Variants in PTPRD observed in about 807,000 individuals in gnomAD.
PTPRD encodes the protein protein tyrosine phosphatase receptor type D.
PTPRD carries 34 observed loss-of-function variants against 214.5 expected under a neutral mutation model. The observed-to-expected ratio is 0.16, with a 90% CI of 0.12 to 0.21. PTPRD has a LOEUF of 0.21. Among genes scored for constraint, PTPRD ranks in the 10% least tolerant of loss-of-function variants. The probability of loss-of-function intolerance (pLI) is 1.00; values close to 1 mark genes in which losing one functional copy is unlikely to be tolerated. For missense variants in PTPRD, 2,545 were observed against 2,398.7 expected, an observed-to-expected ratio of 1.06 and a Z score of -1.27; for synonymous variants, 1,128 against 845.7, an observed-to-expected ratio of 1.33 and a Z score of -5.79.
intron 2 of PTPRD, among the ~76,000 whole-genome samples, chr9:10,592,836 C>G (rs183469984): frequency 5.3e-5 from 8 of 151,920 alleles, no homozygotes; most frequent in African/African-American, 1.2e-4. Context: ...GGAACACTGA[C>G]AGGACAGAAA....
intron 9 of PTPRD, among the ~76,000 whole-genome samples, chr9:9,346,408 A>C (rs1206307946): frequency 2.6e-5 from 4 of 152,200 alleles, no homozygotes; most frequent in Non-Finnish European, 5.9e-5. Context: ...AAATGTGTTA[A>C]AAATGTACAA....
At chr9:9,105,102 T>C (rs956155824) in intron 10 of PTPRD, among the ~76,000 whole-genome samples, 3 of 152,204 alleles carry the variant, frequency 2.0e-5, no homozygotes, top group Non-Finnish European at 4.4e-5. Flanking sequence ...TCTGCATCTT[T>C]CACAGACAGA....
intron 4 of PTPRD, among the ~76,000 whole-genome samples, chr9:9,970,003 G>C (rs1337517207): frequency 6.6e-6 from 1 of 152,102 alleles, no homozygotes; most frequent in Non-Finnish European, 1.5e-5. Context: ...CTGTCATTCA[G>C]TAGACATTAG....
At chr9:10,129,234 C>A (rs1180612539) in intron 3 of PTPRD, among the ~76,000 whole-genome samples, 1 of 152,044 alleles carries the variant, frequency 6.6e-6, no homozygotes, top group African/African-American at 2.4e-5. Flanking sequence ...CCCGAAAGTA[C>A]CTAATTATCA....
At chr9:10,480,745 T>C (rs1164822101) in intron 2 of PTPRD, among the ~76,000 whole-genome samples, 1 of 152,236 alleles carries the variant, frequency 6.6e-6, no homozygotes, top group African/African-American at 2.4e-5. Context: ...ATTTGTATCA[T>C]TGAATCAAAC....
intron 12 of PTPRD, among the ~76,000 whole-genome samples, chr9:8,681,520 T>G (rs1324676695): frequency 1.3e-5 from 2 of 152,140 alleles, no homozygotes; most frequent in Non-Finnish European, 2.9e-5. Context: ...CACCATGTCT[T>G]TAAAAGCTTT....
At chr9:9,155,463 C>A (rs2099880385) in intron 10 of PTPRD, among the ~76,000 whole-genome samples, 1 of 152,016 alleles carries the variant, frequency 6.6e-6, no homozygotes, top group Non-Finnish European at 1.5e-5. Context: ...AGTCTCTAGC[C>A]TACAAAGGTG....
At chr9:9,464,364 T>C (rs2093947322) in intron 8 of PTPRD, among the ~76,000 whole-genome samples, 1 of 152,186 alleles carries the variant, frequency 6.6e-6, no homozygotes, top group Non-Finnish European at 1.5e-5. Flanking sequence ...GTGAGTTTGA[T>C]TAATTCTCTT....
intron 3 of PTPRD, among the ~76,000 whole-genome samples, chr9:10,277,073 AC>A (rs1207572108): frequency 6.6e-6 from 1 of 152,066 alleles, no homozygotes. Context: ...GGTGGCAAAG[AC>A]CCCTGATTCA....
intron 10 of PTPRD, among the ~76,000 whole-genome samples, chr9:9,137,722 G>C (rs2099853176): frequency 6.6e-6 from 1 of 152,072 alleles, no homozygotes; most frequent in African/African-American, 2.4e-5. Context: ...ACAGGACATT[G>C]TACTTTGCTT....
intron 10 of PTPRD, among the ~76,000 whole-genome samples, chr9:9,169,431 T>C (rs2099910342): frequency 2.0e-5 from 3 of 152,138 alleles, no homozygotes; most frequent in South Asian, 2.1e-4. Flanking sequence ...CCCAGGATTA[T>C]ATTTGAAGCA....
At chr9:9,696,050 T>C (rs1470632197) in intron 7 of PTPRD, among the ~76,000 whole-genome samples, 3 of 152,166 alleles carry the variant, frequency 2.0e-5, no homozygotes, top group Non-Finnish European at 2.9e-5. Context: ...AGACTTTTTA[T>C]TACAGCTTCG....
intron 9 of PTPRD, among the ~76,000 whole-genome samples, chr9:9,260,923 C>G (rs757776483): frequency 6.6e-6 from 1 of 151,818 alleles, no homozygotes; most frequent in Non-Finnish European, 1.5e-5. Flanking sequence ...TCAGAAACAG[C>G]CCAAAGATGA....
chr9:9,205,559 GAC>G (rs2099944318), intron 9 of PTPRD, among the ~76,000 whole-genome samples: 2 of 152,150 alleles, frequency 1.3e-5, no homozygotes, highest in African/African-American at 4.8e-5. Flanking sequence ...GCATCATTAA[GAC>G]AGTCTTCTTT....
At chr9:8,683,385 C>CAAAA (rs78015875) in intron 12 of PTPRD, among the ~76,000 whole-genome samples, 4 of 107,064 alleles carry the variant, frequency 3.7e-5, no homozygotes, top group African/African-American at 1.2e-4. Flanking sequence ...ACTCCTTTCT[C>CAAAA]AAAAAAAAAA....
At chr9:8,370,289 A>G (rs2081157534) in intron 39 of PTPRD, among the ~76,000 whole-genome samples, 1 of 151,972 alleles carries the variant, frequency 6.6e-6, no homozygotes, top group Non-Finnish European at 1.5e-5. Flanking sequence ...GACAACCTTT[A>G]CACATGTGCA....
At chr9:9,046,347 AGATGTGGT>A (rs2099672092) in intron 10 of PTPRD, among the ~76,000 whole-genome samples, 1 of 152,194 alleles carries the variant, frequency 6.6e-6, no homozygotes, top group South Asian at 2.1e-4. Context: ...TTAAAGTGGA[AGATGTGGT>A]GATTATATTG....
intron 3 of PTPRD, among the ~76,000 whole-genome samples, chr9:10,331,168 C>G (rs2096743256): frequency 6.6e-6 from 1 of 151,872 alleles, no homozygotes; most frequent in African/African-American, 2.4e-5. Flanking sequence ...TAGTTTGTAT[C>G]ATCATAGTGA....
intron 7 of PTPRD, among the ~76,000 whole-genome samples, chr9:9,584,225 G>A (rs1193538402): frequency 6.6e-6 from 1 of 151,826 alleles, no homozygotes; most frequent in Non-Finnish European, 1.5e-5. Flanking sequence ...GAAGTGCCCT[G>A]CAACCTCTGT....
Sources: gnomAD v4.1 joint callset for allele counts (sites outside exome capture counted in the v4.1 genomes callset) on GRCh38, gnomAD v4.1.1 for gene constraint, MANE v1.5 for transcripts, NCBI Gene and HGNC (gene_info 2026-07-23, HGNC 2026-07-21) for gene names.